NLGN1: variants seen among roughly 807,000 people sequenced by gnomAD.
NLGN1 encodes neuroligin-1.
Under a neutral mutation model 65.5 loss-of-function variants are expected in NLGN1, and 12 were observed. The observed-to-expected ratio is 0.18, with a 90% CI of 0.12 to 0.30. The LOEUF (loss-of-function observed/expected upper bound fraction) is 0.30, where lower values mean the gene tolerates loss of function less well. Among genes scored for constraint, NLGN1 ranks in the 10% least tolerant of loss-of-function variants. NLGN1 has a pLI of 1.00. For synonymous variants in NLGN1, 350 were observed against 359.5 expected (o/e 0.97, Z 0.30); for missense variants, 750 against 1,007.1 (o/e 0.74, Z 3.46).
At chr3:173,691,493 A>G (rs1417061882) in intron 3 of NLGN1, among the ~76,000 whole-genome samples, 1 of 152,170 alleles carries the variant, frequency 6.6e-6, no homozygotes, top group Non-Finnish European at 1.5e-5. Flanking sequence ...CTTTGAAGCC[A>G]GCGACTTTAT....
At chr3:174,272,978 G>A (rs953176583) in intron 4 of NLGN1, among the ~76,000 whole-genome samples, 3 of 150,710 alleles carry the variant, frequency 2.0e-5, no homozygotes, top group African/African-American at 7.3e-5. Context: ...TGTATATAAA[G>A]TAGAAGTTAC....
intron 2 of NLGN1, among the ~76,000 whole-genome samples, chr3:173,497,877 A>G (rs1730302590): frequency 6.6e-6 from 1 of 151,936 alleles, no homozygotes; most frequent in African/African-American, 2.4e-5. Context: ...ATAAACAATA[A>G]TGCAATAAAT....
At chr3:173,683,330 G>T (rs185372996) in intron 3 of NLGN1, among the ~76,000 whole-genome samples, 1 of 151,842 alleles carries the variant, frequency 6.6e-6, no homozygotes, top group African/African-American at 2.4e-5. Context: ...TTCATGCACT[G>T]TGTGTTTGAA....
intron 3 of NLGN1, among the ~76,000 whole-genome samples, chr3:173,655,664 A>G (rs1174382506): frequency 1.3e-5 from 2 of 151,948 alleles, no homozygotes; most frequent in African/African-American, 4.8e-5. Context: ...CTTATTTCTC[A>G]GGTGTATTTA....
chr3:173,882,348 T>C (rs1234740297), intron 4 of NLGN1, among the ~76,000 whole-genome samples: 2 of 152,210 alleles, frequency 1.3e-5, no homozygotes, highest in South Asian at 2.1e-4. Context: ...AGTCAGCCTG[T>C]TCTTTGAAGC....
chr3:173,806,154 G>C (rs1250910780), intron 3 of NLGN1, among the ~76,000 whole-genome samples: 1 of 152,088 alleles, frequency 6.6e-6, no homozygotes, highest in Non-Finnish European at 1.5e-5. Flanking sequence ...AAAAAAGTTT[G>C]TTAAGTTCTG....
chr3:174,235,931 A>C (rs1741621500), intron 4 of NLGN1, among the ~76,000 whole-genome samples: 1 of 152,120 alleles, frequency 6.6e-6, no homozygotes, highest in African/African-American at 2.4e-5. Context: ...ATAGTCTTCT[A>C]TCTGATATAA....
chr3:174,041,687 T>G (rs193283625), intron 4 of NLGN1, among the ~76,000 whole-genome samples: 1 of 152,354 alleles, frequency 6.6e-6, no homozygotes, highest in Admixed American at 6.5e-5. Context: ...TTCATTTCTC[T>G]AATGATTACT....
intron 3 of NLGN1, among the ~76,000 whole-genome samples, chr3:173,790,562 TAGAG>T (rs958159347): frequency 3.3e-5 from 5 of 152,116 alleles, no homozygotes; most frequent in Non-Finnish European, 5.9e-5. Context: ...AAACTAATAA[TAGAG>T]AGGATAAGAA....
intron 4 of NLGN1, among the ~76,000 whole-genome samples, chr3:174,007,297 G>A (rs964224773): frequency 5.9e-5 from 9 of 152,210 alleles, no homozygotes; most frequent in African/African-American, 2.2e-4. Context: ...TCTGTGCTGT[G>A]GTATGTTTTT....
At chr3:174,145,244 G>A (rs1577081743) in intron 4 of NLGN1, among the ~76,000 whole-genome samples, 1 of 152,154 alleles carries the variant, frequency 6.6e-6, no homozygotes, top group African/African-American at 2.4e-5. Context: ...GTCAGGAACA[G>A]TGTCTCACGC....
chr3:173,523,395 G>A (rs887738840), intron 2 of NLGN1, among the ~76,000 whole-genome samples: 5 of 151,496 alleles, frequency 3.3e-5, no homozygotes, highest in African/African-American at 1.2e-4. Context: ...CAGGTATTAT[G>A]TTTAAATATT....
At chr3:174,066,820 A>C (rs377251967) in intron 4 of NLGN1, among the ~76,000 whole-genome samples, 1 of 152,104 alleles carries the variant, frequency 6.6e-6, no homozygotes, top group Non-Finnish European at 1.5e-5. Context: ...ACCAATACAC[A>C]AAGGGTTGGA....
At position 173,522,885 on chromosome 3, in the gene NLGN1, TA is replaced by T. The variant is rs376563499; in HGVS notation, c.-320-81392del. Among the ~76,000 whole-genome samples, 1,146 of 152,294 alleles carry T rather than the reference TA, an allele frequency of 7.5e-3. 21 individuals carry two copies. Among genetic ancestry groups the T allele is most frequent in the African/African-American group, 0.027 (1,102 of 41,558 alleles). On this transcript the variant is annotated intron_variant, in intron 2 of 6. Transcript: ENST00000457714. ...GGTTTAACTATATTTACATTCTCAC[TA>T]ACAGAGTATAAGTGTTCTGTTTTCT...
chr3:174,059,270 T>A (rs543624912), intron 4 of NLGN1, among the ~76,000 whole-genome samples: 1 of 152,218 alleles, frequency 6.6e-6, no homozygotes, highest in South Asian at 2.1e-4. Context: ...TTACTTTGTC[T>A]TCAGCATTGA....
chr3:173,649,467 G>A (rs941651887), intron 3 of NLGN1, among the ~76,000 whole-genome samples: 10 of 151,982 alleles, frequency 6.6e-5, no homozygotes, highest in South Asian at 2.1e-4. Flanking sequence ...TTAAATATGC[G>A]CAATTTTTTA....
intron 4 of NLGN1, among the ~76,000 whole-genome samples, chr3:174,173,085 TG>T (rs1561215007): frequency 1.3e-5 from 2 of 151,830 alleles, no homozygotes; most frequent in African/African-American, 4.9e-5. Context: ...ATATTGTGTA[TG>T]GTATTTTTTT....
chr3:173,415,943 A>AGAGAGAGAGCGAGCGAGCGAGC (rs141095727), intron 1 of NLGN1, among the ~76,000 whole-genome samples: 1 of 142,828 alleles, frequency 7.0e-6, no homozygotes, highest in African/African-American at 2.8e-5. Context: ...AGAGAGAGAG[A>AGAGAGAGAGCGAGCGAGCGAGC]GCTTGGTATA....
chr3:174,006,771 A>G (rs1412652341), intron 4 of NLGN1, among the ~76,000 whole-genome samples: 1 of 152,070 alleles, frequency 6.6e-6, no homozygotes, highest in Non-Finnish European at 1.5e-5. Context: ...GCATTCTTAT[A>G]AGAAGAGGAG....
Sources: allele counts gnomAD v4.1 joint callset (sites outside exome capture counted in the v4.1 genomes callset), GRCh38; gene constraint gnomAD v4.1.1; transcripts MANE v1.5; gene names NCBI Gene and HGNC (gene_info 2026-07-23, HGNC 2026-07-21).